The following PABPC1 variants were observed in gnomAD, a reference collection of about 807,000 sequenced individuals.
PABPC1 encodes the protein polyadenylate-binding protein 1.
PABPC1 carries 4 observed loss-of-function variants against 74.0 expected under a neutral mutation model. The ratio of observed to expected loss-of-function variants is 0.05; its 90% confidence interval spans 0.03 to 0.12. The LOEUF (loss-of-function observed/expected upper bound fraction) is 0.12. Among genes scored for constraint, PABPC1 ranks in the 10% least tolerant of loss-of-function variants. The pLI, the probability that PABPC1 is intolerant of heterozygous loss-of-function variation, is 1.00. For missense variants in PABPC1, 271 were observed against 821.1 expected, an observed-to-expected ratio of 0.33 and a Z score of 8.19; for synonymous variants, 227 against 264.1, an observed-to-expected ratio of 0.86 and a Z score of 1.36.
At chr8:100,709,382 G>C in intron 8 of PABPC1, 77 bp downstream of exon 8, 3 of 1,553,122 alleles carry the variant, frequency 1.9e-6, no homozygotes, top group Non-Finnish European at 1.8e-6. Context: ...CACATTTGCG[G>C]GGCGAGGGGC....
chr8:100,707,062 T>C, intron 9 of PABPC1, 65 bp from the exon 10 acceptor site: 1 of 1,190,150 alleles, frequency 8.4e-7, no homozygotes, highest in South Asian at 1.3e-5. Context: ...GTGTTTATGC[T>C]GTCTTCTTCG....
chr8:100,717,657 TC>T, intron 3 of PABPC1, 115 bp downstream of exon 3: 1 of 638,616 alleles, frequency 1.6e-6, no homozygotes, highest in South Asian at 2.2e-5. Flanking sequence ...ATGTTTTTAT[TC>T]TTTTATCTTA....
At chr8:100,718,816 TG>T (rs1157789801) in intron 1 of PABPC1, among the ~76,000 whole-genome samples, 3 of 152,178 alleles carry the variant, frequency 2.0e-5, no homozygotes, top group African/African-American at 7.2e-5. Flanking sequence ...TCTTAATTAT[TG>T]GGGGGAGGGA....
At chr8:100,705,502 T>C in intron 12 of PABPC1, 87 bp downstream of exon 12, 1 of 803,526 alleles carries the variant, frequency 1.2e-6, no homozygotes, top group Non-Finnish European at 2.2e-6. Context: ...TCCACTGCCC[T>C]AGCTGTCAAT....
intron 1 of PABPC1, among the ~76,000 whole-genome samples, chr8:100,720,326 C>G (rs1810784658): frequency 1.3e-5 from 2 of 152,314 alleles, no homozygotes; most frequent in South Asian, 4.1e-4. Context: ...ACAAAGTTAG[C>G]TGCATTTCCC....
Position 100,709,745 on chromosome 8 carries a change from GAAA to G in PABPC1, c.973-17_973-15del. On this transcript the variant is annotated splice_polypyrimidine_tract_variant and intron_variant, in intron 7 of 14. Transcript: ENST00000318607. Reference sequence around the variant, plus strand: ...CTCCATCATAACCTATTAAAAAAAAGAAAAAAAAAGTTAACGTAATGGTAGAAT... The same window carrying G: ...CTCCATCATAACCTATTAAAAAAAAGAAAAAAGTTAACGTAATGGTAGAAT... 6.8e-7 allele frequency: 1 copy of G among 1,479,522 alleles called. No homozygotes were observed. Among genetic ancestry groups the G allele is most frequent in the Non-Finnish European group, 9.0e-7 (1 of 1,109,552 alleles). 91.6% of individuals were successfully genotyped at this position (1,479,522 alleles called of 1,614,324 possible).
Position 100,721,327 on chromosome 8 carries a change from G to T in PABPC1, c.193+64C>A. On this transcript the variant is annotated intron_variant, in intron 1 of 14. Transcript: ENST00000318607. This position sits in a 1 kb window ranked among gnomAD's most constrained non-coding sequence, Gnocchi z 7.4. ...CCGGGCCCGCCGGCCTACCCCGCCC[G>T]CCGCCGCCGCCCGAGCCTCATGGCC... 1.8e-6 allele frequency: 1 copy of T among 554,978 alleles called. No homozygotes were observed. The allele number at this position is 554,978 out of a possible 1,614,324, so 34.4% of individuals were successfully genotyped here. A position where few individuals can be genotyped will look rare whatever the true frequency, so the allele number is the denominator to read the frequency against.
chr8:100,717,649 G>T, intron 3 of PABPC1, 124 bp downstream of exon 3: 1 of 626,020 alleles, frequency 1.6e-6, no homozygotes, highest in Non-Finnish European at 2.8e-6. Context: ...TCTTTAAAAT[G>T]TTTTTATTCT....
intron 8 of PABPC1, 45 bp downstream of exon 8, chr8:100,709,414 C>A: frequency 6.2e-7 from 1 of 1,607,750 alleles, no homozygotes; most frequent in South Asian, 1.1e-5. Context: ...TAGAAATGAC[C>A]AAATACGAAA....
chr8:100,711,341 T>C (rs549861550), intron 7 of PABPC1, among the ~76,000 whole-genome samples: 1 of 151,974 alleles, frequency 6.6e-6, no homozygotes, highest in African/African-American at 2.4e-5. Context: ...ATTAAAAGCA[T>C]TCTTGGGCCG....
chr8:100,711,614 C>T (rs1255501765), intron 7 of PABPC1, among the ~76,000 whole-genome samples: 31 of 152,242 alleles, frequency 2.0e-4, no homozygotes, highest in African/African-American at 7.0e-4. Context: ...AATACTCTTA[C>T]ATAAAAAGCA....
intron 9 of PABPC1, among the ~76,000 whole-genome samples, chr8:100,708,056 G>C (rs996358394): frequency 1.3e-5 from 2 of 152,314 alleles, no homozygotes; most frequent in Non-Finnish European, 2.9e-5. Flanking sequence ...GGAATAAAGA[G>C]TAATTGCTAC....
At chr8:100,705,167 AAT>A in intron 12 of PABPC1, 111 bp from the exon 13 acceptor site, 1 of 795,792 alleles carries the variant, frequency 1.3e-6, no homozygotes. Context: ...TCACGTATAT[AAT>A]AACCCATAAT....
intron 7 of PABPC1, among the ~76,000 whole-genome samples, chr8:100,711,702 C>T (rs576336724): frequency 6.6e-6 from 1 of 152,374 alleles, no homozygotes; most frequent in East Asian, 1.9e-4. Context: ...TTTCCTCACT[C>T]TCACAGAAGC....
chr8:100,709,888 CT>C, intron 7 of PABPC1, 157 bp from the exon 8 acceptor site: 1 of 838,578 alleles, frequency 1.2e-6, no homozygotes, highest in Non-Finnish European at 1.8e-6. Flanking sequence ...ACAATTTTTC[CT>C]TAATACCCAA....
At chr8:100,712,481 T>C (rs751502853) in intron 6 of PABPC1, 24 bp from the exon 7 acceptor site, 34 of 1,512,322 alleles carry the variant, frequency 2.2e-5, no homozygotes, top group East Asian at 2.0e-4. Flanking sequence ...AAGAAAACTA[T>C]AGAAAAAGAA....
At chr8:100,714,806 G>C (rs1186185215) in intron 4 of PABPC1, among the ~76,000 whole-genome samples, 1 of 152,002 alleles carries the variant, frequency 6.6e-6, no homozygotes, top group Non-Finnish European at 1.5e-5. Context: ...AACACAAAAT[G>C]CAAAGGGTGG....
intron 9 of PABPC1, 87 bp from the exon 10 acceptor site, chr8:100,707,084 G>C (rs1442546801): frequency 1.0e-6 from 1 of 966,352 alleles, no homozygotes; most frequent in East Asian, 2.6e-5. Flanking sequence ...TCTGAGGTTT[G>C]CATAAAAGAC....
In PABPC1 at chr8:100,721,272, G is replaced by C. The variant is rs940354012; in HGVS notation, c.193+119C>G. ...CCCCGGCGCCTTCCCGCCGGCCGTC[G>C]CGGGGTGACATGCCCTCCCGCCCCC... On this transcript the variant is annotated intron_variant, in intron 1 of 14. Coordinates refer to ENST00000318607, the MANE Select transcript of PABPC1 (RefSeq NM_002568.4). This position sits in a 1 kb window ranked among gnomAD's most constrained non-coding sequence, Gnocchi z 7.4. 2.7e-6 allele frequency: 1 copy of C among 376,084 alleles called. No individual in the cohort carries two copies. The highest frequency in any genetic ancestry group is 3.8e-6 in the Non-Finnish European group (1 of 263,320). 23.3% of individuals were successfully genotyped at this position (376,084 alleles called of 1,614,324 possible). A position where few individuals can be genotyped will look rare whatever the true frequency, so the allele number is the denominator to read the frequency against.
Sources: gnomAD v4.1 joint callset for allele counts (sites outside exome capture counted in the v4.1 genomes callset) on GRCh38, gnomAD v4.1.1 for gene constraint, Gnocchi (gnomAD v3.1) non-coding constraint, MANE v1.5 for transcripts, NCBI Gene and HGNC (gene_info 2026-07-23, HGNC 2026-07-21) for gene names.